The following ZDHHC11 variants were observed in gnomAD, a reference collection of about 807,000 sequenced individuals.
ZDHHC11 encodes the protein palmitoyltransferase ZDHHC11.
In ZDHHC11, 44 loss-of-function variants were observed where a neutral mutation model predicts 51.3. The observed-to-expected ratio is 0.86, with a 90% CI of 0.67 to 1.10. The LOEUF is 1.10. ZDHHC11 is among the 50% of genes least tolerant of loss of function. The pLI is 0.00. For missense variants in ZDHHC11, 400 were observed against 537.7 expected (o/e 0.74, Z 2.53); for synonymous variants, 163 against 222.0 (o/e 0.73, Z 2.36).
At chr5:835,759 T>A (rs1418705920) in intron 6 of ZDHHC11, among the ~76,000 whole-genome samples, 4 of 151,974 alleles carry the variant, frequency 2.6e-5, no homozygotes, top group African/African-American at 9.7e-5. Context: ...TAATAGAGCG[T>A]CTCTGACTTC....
chr5:841,045 A>G, intron 4 of ZDHHC11: 1 of 1,019,768 alleles, frequency 9.8e-7, no homozygotes, highest in African/African-American at 3.4e-5. Flanking sequence ...CCGGGGTCAC[A>G]GTGCCCACCC....
At chr5:844,485 C>T (rs1287196479) in intron 3 of ZDHHC11, among the ~76,000 whole-genome samples, 1 of 152,298 alleles carries the variant, frequency 6.6e-6, no homozygotes, top group Non-Finnish European at 1.5e-5. Context: ...CTCCCGACTC[C>T]ACCTGATGCA....
intron 11 of ZDHHC11, among the ~76,000 whole-genome samples, chr5:805,708 T>C (rs1739146464): frequency 6.6e-6 from 1 of 151,266 alleles, no homozygotes; most frequent in African/African-American, 2.4e-5. Context: ...TATATATATA[T>C]ACATAGATAG....
rs543578009 is a variant in ZDHHC11 at position 806,330 on chromosome 5, C to G, written c.1182-5166G>C. Among the ~76,000 whole-genome samples the G allele has an allele frequency of 8.6e-5, 13 of 151,162 alleles. 1 individual carries two copies. In the South Asian group the frequency reaches 2.7e-3, roughly 32 times the overall value. On this transcript the variant is annotated intron_variant, in intron 11 of 12. Coordinates refer to ENST00000283441, the MANE Select transcript of ZDHHC11 (RefSeq NM_024786.3). ...CCTGCTCAATGAATGGAGCTGGAAACAATACAAATCCATAGAGGGAAGAAT... is the reference window on the plus strand; with the variant it reads ...CCTGCTCAATGAATGGAGCTGGAAAGAATACAAATCCATAGAGGGAAGAAT...
chr5:855,928 C>G (rs546581440), upstream of ZDHHC11, among the ~76,000 whole-genome samples: 2 of 151,670 alleles, frequency 1.3e-5, no homozygotes, highest in African/African-American at 4.8e-5. Flanking sequence ...GGACAGCGAG[C>G]CGGGGGGACA....
chr5:798,563 C>T (rs542146604), intron 12 of ZDHHC11, among the ~76,000 whole-genome samples: 3 of 150,208 alleles, frequency 2.0e-5, no homozygotes, highest in South Asian at 2.1e-4. Context: ...CTGTATTCCA[C>T]GATCTTTAAA....
chr5:858,736 C>T (rs765699205), intron 1 of ZDHHC11, among the ~76,000 whole-genome samples: 4 of 152,080 alleles, frequency 2.6e-5, no homozygotes, highest in Non-Finnish European at 4.4e-5. Context: ...TTTTCTGAGG[C>T]CCCTCATAAG....
At chr5:825,825 T>C (rs1742287710) in intron 7 of ZDHHC11, among the ~76,000 whole-genome samples, 1 of 152,226 alleles carries the variant, frequency 6.6e-6, no homozygotes, top group Non-Finnish European at 1.5e-5. Flanking sequence ...AGAACAACCC[T>C]GCTCCTAGGA....
upstream of ZDHHC11, among the ~76,000 whole-genome samples, chr5:854,614 AC>A (rs1221476359): frequency 6.7e-6 from 1 of 149,876 alleles, no homozygotes; most frequent in Non-Finnish European, 1.5e-5. Flanking sequence ...AGTGGCACAG[AC>A]CCCACAGAGG....
upstream of ZDHHC11, among the ~76,000 whole-genome samples, chr5:855,592 G>C (rs561978793): frequency 2.0e-5 from 3 of 148,738 alleles, no homozygotes; most frequent in Admixed American, 1.3e-4. Context: ...ACCGCACAGA[G>C]GACAGTGAGC....
chr5:851,410 TG>T (rs1561310406), upstream of ZDHHC11, among the ~76,000 whole-genome samples: 1 of 99,552 alleles, frequency 1.0e-5, no homozygotes, highest in South Asian at 2.8e-4. Flanking sequence ...CGCTACGGGG[TG>T]GGGGGTTGAT....
At chr5:802,027 G>A (rs1361934214) in intron 11 of ZDHHC11, among the ~76,000 whole-genome samples, 1 of 151,512 alleles carries the variant, frequency 6.6e-6, no homozygotes, top group Non-Finnish European at 1.5e-5. Flanking sequence ...GATGCAAATG[G>A]GAGCTGATGC....
intron 6 of ZDHHC11, among the ~76,000 whole-genome samples, chr5:835,937 T>C (rs1376743154): frequency 1.3e-5 from 2 of 151,948 alleles, no homozygotes; most frequent in African/African-American, 4.8e-5. Context: ...CCCCACATCC[T>C]TGTTAAGTGA....
chr5:831,285 G>A lies in ZDHHC11; in HGVS notation c.935+2488C>T, dbSNP rs111453597. Reference sequence around the variant, plus strand: ...AAAAGGAACTCAAACAAATCCGCAAGAAAAAACAAATCATCCAATTGGGTG... The same window carrying A: ...AAAAGGAACTCAAACAAATCCGCAAAAAAAAACAAATCATCCAATTGGGTG... On this transcript the variant is annotated intron_variant, in intron 7 of 12. Coordinates refer to ENST00000283441, the MANE Select transcript of ZDHHC11 (RefSeq NM_024786.3). Among the ~76,000 whole-genome samples the A allele has an allele frequency of 2.7e-5, 4 of 149,492 alleles. 1 individual carries two copies. The highest frequency in any genetic ancestry group is 6.0e-5 in the Non-Finnish European group (4 of 67,104).
At chr5:811,683 C>G (rs1236247583) in intron 11 of ZDHHC11, among the ~76,000 whole-genome samples, 7 of 151,032 alleles carry the variant, frequency 4.6e-5, no homozygotes, top group Admixed American at 4.6e-4. Context: ...GAAACGCTAT[C>G]GGCCACTCTC....
chr5:814,882 AG>A, intron 10 of ZDHHC11, 87 bp from the exon 11 acceptor site: 1 of 1,314,308 alleles, frequency 7.6e-7, no homozygotes, highest in Non-Finnish European at 1.0e-6. Flanking sequence ...GTTCATTACT[AG>A]TCAGTTCTGA....
At chr5:802,872 A>AAAAAAAAAAAAAAAAAAAC (rs1561228390) in intron 11 of ZDHHC11, among the ~76,000 whole-genome samples, 2 of 110,646 alleles carry the variant, frequency 1.8e-5, no homozygotes, top group African/African-American at 6.9e-5. Flanking sequence ...AAAAAAAAAA[A>AAAAAAAAAAAAAAAAAAAC]AAGCTAAATG....
chr5:851,578 T>TC (rs1289531045), upstream of ZDHHC11, among the ~76,000 whole-genome samples: 3 of 152,206 alleles, frequency 2.0e-5, no homozygotes, highest in African/African-American at 4.8e-5. Context: ...GAGAAATAGT[T>TC]AACAATTCTT....
chr5:804,483 T>C (rs979903191), intron 11 of ZDHHC11, among the ~76,000 whole-genome samples: 1 of 151,080 alleles, frequency 6.6e-6, no homozygotes, highest in African/African-American at 2.4e-5. Context: ...AAGGAATGAA[T>C]CTACACATCC....
Sources: allele counts gnomAD v4.1 joint callset (sites outside exome capture counted in the v4.1 genomes callset), GRCh38; gene constraint gnomAD v4.1.1; transcripts MANE v1.5; gene names NCBI Gene and HGNC (gene_info 2026-07-23, HGNC 2026-07-21).